The following BSN variants were observed in gnomAD, a reference collection of about 807,000 sequenced individuals.
BSN encodes bassoon presynaptic cytomatrix protein.
A neutral mutation model predicts 264.8 loss-of-function variants in BSN; 57 were observed. That is an observed-to-expected ratio of 0.22 (90% CI 0.17 to 0.27). The LOEUF (loss-of-function observed/expected upper bound fraction) is 0.27, where lower values mean the gene tolerates loss of function less well. Ranked by LOEUF, BSN falls within the 10% of genes least tolerant of loss-of-function variation. The probability of loss-of-function intolerance (pLI) is 1.00; values close to 1 mark genes in which losing one functional copy is unlikely to be tolerated. For missense variants in BSN, 4,615 were observed against 5,232.5 expected, an observed-to-expected ratio of 0.88 and a Z score of 3.64; for synonymous variants, 2,059 against 2,137.3, an observed-to-expected ratio of 0.96 and a Z score of 1.01.
chr3:49,615,501 G>C (rs757433316), intron 1 of BSN, among the ~76,000 whole-genome samples: 3 of 152,156 alleles, frequency 2.0e-5, no homozygotes, highest in Non-Finnish European at 4.4e-5. Context: ...GTTAGGAAGA[G>C]AAGATGTCGG....
chr3:49,605,506 ATTATATAAT>A (rs1348392043), intron 1 of BSN, among the ~76,000 whole-genome samples: 1 of 5,222 alleles, frequency 1.9e-4, no homozygotes, highest in Non-Finnish European at 2.9e-4. Context: ...TATAATATAT[ATTATATAAT>A]ATATATATAA....
At chr3:49,562,764 G>A (rs191352414) in intron 1 of BSN, among the ~76,000 whole-genome samples, 1 of 152,210 alleles carries the variant, frequency 6.6e-6, no homozygotes, top group African/African-American at 2.4e-5. Context: ...AGGCTTTGAG[G>A]AGTGGGAAAG....
rs1002615689 is a variant in BSN, at chr3:49,662,450, C to T, written c.10605C>T (p.His3535=). ...CCTGCCCACAGTTCTGCTCCAGCCA[C>T]TCCATGCCTGATGTCCAGGAACATG... ...GDTCPQFCSS[H]SMPDVQEHVK... The change falls in exon 6 of 12, where the codon CAC becomes CAT. Residue 3535 remains histidine (H), a synonymous_variant. Transcript: ENST00000296452. 6 of 1,613,614 alleles carry T rather than the reference C, an allele frequency of 3.7e-6. No homozygotes were observed. The highest frequency in any genetic ancestry group is 3.3e-5 in the Admixed American group (2 of 60,008).
chr3:49,652,311 G>T lies in BSN; in HGVS notation c.2755G>T (p.Asp919Tyr), dbSNP rs753633315. 1.3e-6 allele frequency: 2 copies of T among 1,597,324 alleles called. No individual in the cohort carries two copies. Among genetic ancestry groups the T allele is most frequent in the Admixed American group, 3.4e-5 (2 of 58,000 alleles). The change falls in exon 5 of 12, where the codon GAT becomes TAT. Residue 919 changes from aspartate to tyrosine, a missense_variant. By Grantham distance (160) the Asp-to-Tyr change is radical. Coordinates refer to ENST00000296452, the MANE Select transcript of BSN (RefSeq NM_003458.4). ...TGAGGGAGGCTCAGCAGAGGCTACC[G>T]ATGGCAGTGGGACCCTGCAGGGTGG... ...LPEGGSAEAT[D>Y]GSGTLQGGLR... is the part of the protein sequence containing the mutation.
intron 1 of BSN, among the ~76,000 whole-genome samples, chr3:49,567,301 GCT>G (rs201456363): frequency 0.013 from 2,027 of 152,244 alleles, 39 homozygotes; most frequent in Non-Finnish European, 0.014. Context: ...ATAAAATTAA[GCT>G]CTTTTTTCCC....
chr3:49,587,907 CTTTTCTTTTCTTTTCTTTTCT>C (rs1374734871), intron 1 of BSN, among the ~76,000 whole-genome samples: 12 of 144,838 alleles, frequency 8.3e-5, no homozygotes, highest in African/African-American at 3.1e-4. Context: ...CTTTTCTTTT[CTTTTCTTTTCTTTTCTTTTCT>C]TTTTTTTTTT....
chr3:49,623,089 G>T (rs1031783839), intron 1 of BSN, among the ~76,000 whole-genome samples: 1 of 152,120 alleles, frequency 6.6e-6, no homozygotes, highest in East Asian at 1.9e-4. Context: ...TCTTGGGGTG[G>T]GTGTCCCCAG....
In BSN at chr3:49,657,360, C is replaced by T. The variant is rs757590343; in HGVS notation, c.7804C>T (p.Arg2602Cys). 1.1e-5 allele frequency: 18 copies of T among 1,613,164 alleles called. No individual in the cohort carries two copies. The highest frequency in any genetic ancestry group is 3.3e-5 in the South Asian group (3 of 91,088). Residue 2602 changes from arginine (R) to cysteine (C), a missense_variant, in exon 5 of 12, where the codon CGC becomes TGC. Arg to Cys is a radical substitution (Grantham distance 180). Around this residue, in one of 3 missense-constraint regions of BSN, gnomAD observed 3,415 missense variants for 3,866.4 expected, o/e 0.88. Coordinates refer to ENST00000296452, the MANE Select transcript of BSN (RefSeq NM_003458.4). ...GESRYLLSRR[R>C]RARRSADCSV... ...GAGCCGCTACCTCTTGAGTCGGCGA[C>T]GCCGGGCACGGCGGAGTGCTGACTG...
At chr3:49,644,387 A>G (rs548628012) in intron 3 of BSN, among the ~76,000 whole-genome samples, 1 of 152,228 alleles carries the variant, frequency 6.6e-6, no homozygotes, top group Admixed American at 6.5e-5. Flanking sequence ...CCAGGACTCC[A>G]CAGGAGTCCC....
At chr3:49,573,092 G>C (rs989397962) in intron 1 of BSN, among the ~76,000 whole-genome samples, 1 of 152,214 alleles carries the variant, frequency 6.6e-6, no homozygotes, top group Non-Finnish European at 1.5e-5. Flanking sequence ...TTCTCAAGGA[G>C]ATAAGGGCCT....
At chr3:49,564,285 C>T (rs1316984564) in intron 1 of BSN, among the ~76,000 whole-genome samples, 2 of 152,192 alleles carry the variant, frequency 1.3e-5, no homozygotes, top group African/African-American at 4.8e-5. Context: ...GGCAGCTACT[C>T]CCACACTTAT....
At chr3:49,564,049 C>G (rs550844771) in intron 1 of BSN, among the ~76,000 whole-genome samples, 1 of 152,208 alleles carries the variant, frequency 6.6e-6, no homozygotes, top group Admixed American at 6.5e-5. Context: ...CTTCTCTGGA[C>G]TTCACTTCTC....
intron 2 of BSN, among the ~76,000 whole-genome samples, chr3:49,633,700 A>C (rs2052399086): frequency 6.6e-6 from 1 of 152,236 alleles, no homozygotes; most frequent in Admixed American, 6.5e-5. Flanking sequence ...CAAATGAGCA[A>C]ATATGCAAAA....
intron 1 of BSN, among the ~76,000 whole-genome samples, chr3:49,599,903 A>G (rs1192802735): frequency 2.0e-5 from 3 of 152,286 alleles, no homozygotes; most frequent in African/African-American, 7.2e-5. Context: ...GGATTTGTCC[A>G]GTGGAGTAAA....
intron 1 of BSN, among the ~76,000 whole-genome samples, chr3:49,605,771 TATATATA>T (rs1157946964): frequency 3.8e-5 from 3 of 78,792 alleles, no homozygotes; most frequent in South Asian, 4.4e-4. Context: ...TATATAAAAA[TATATATA>T]ATATATAATA....
intron 1 of BSN, among the ~76,000 whole-genome samples, chr3:49,605,900 CTA>C (rs1304941644): frequency 1.3e-4 from 2 of 15,190 alleles, no homozygotes; most frequent in African/African-American, 4.3e-4. Context: ...ATATTTATGT[CTA>C]TATAAATAGA....
Position 49,655,410 on chromosome 3 carries a change from C to T in BSN, c.5854C>T (p.Pro1952Ser). Residue 1952 changes from proline (P) to serine (S), a missense_variant, in exon 5 of 12, where the codon CCC (proline) becomes TCC (serine). Pro to Ser is a moderately conservative substitution (Grantham distance 74, BLOSUM62 -1). Around this residue, in one of 3 missense-constraint regions of BSN, gnomAD observed 3,415 missense variants for 3,866.4 expected, o/e 0.88. Transcript: ENST00000296452. ...TCCCCGGGACCCTGAGCCTCCTGAG[C>T]CCCCAACCTACCGGGCACAGGGGGT... Reference protein sequence around the residue: ...YGPRDPEPPEPPTYRAQGVVG... With the variant: ...YGPRDPEPPESPTYRAQGVVG... The T allele has an allele frequency of 5.1e-6, 8 of 1,571,320 alleles. No homozygotes were observed. Among genetic ancestry groups the T allele is most frequent in the Non-Finnish European group, 6.9e-6 (8 of 1,158,542 alleles).
intron 6 of BSN, 110 bp downstream of exon 6, chr3:49,662,672 A>G (rs1312460099): frequency 8.0e-6 from 11 of 1,375,308 alleles, no homozygotes; most frequent in Non-Finnish European, 7.6e-6. Context: ...CTGGCGCCTC[A>G]TCTGGTGGGC....
chr3:49,647,989 C>A (rs2052512773), intron 3 of BSN, among the ~76,000 whole-genome samples: 1 of 152,254 alleles, frequency 6.6e-6, no homozygotes, highest in Admixed American at 6.5e-5. Flanking sequence ...TATAGCAGAG[C>A]CAGGAGCAAG....
Sources: allele counts gnomAD v4.1 joint callset (sites outside exome capture counted in the v4.1 genomes callset), GRCh38; gene constraint gnomAD v4.1.1; regional missense constraint gnomAD v4.1.1; transcripts MANE v1.5; gene names NCBI Gene and HGNC (gene_info 2026-07-23, HGNC 2026-07-21).